NT5C3A: variants seen among roughly 807,000 people sequenced by gnomAD.
NT5C3A encodes the protein cytosolic 5'-nucleotidase 3A.
NT5C3A carries 23 observed loss-of-function variants against 40.0 expected under a neutral mutation model. That is an observed-to-expected ratio of 0.58 (90% confidence interval 0.41 to 0.81). The LOEUF is 0.81. Ranked by LOEUF, NT5C3A falls within the 40% of genes least tolerant of loss-of-function variation. The pLI is 0.00. For missense variants in NT5C3A, 328 were observed against 403.0 expected (o/e 0.81, Z 1.59); for synonymous variants, 130 against 141.4 (o/e 0.92, Z 0.57).
chr7:33,055,289 C>T (rs950739773), intron 1 of NT5C3A, among the ~76,000 whole-genome samples: 6 of 151,344 alleles, frequency 4.0e-5, no homozygotes, highest in East Asian at 1.9e-4. Context: ...CATGCTACTG[C>T]GCTCCAGCAC....
chr7:33,057,714 T>A (rs1787625004), intron 1 of NT5C3A, among the ~76,000 whole-genome samples: 2 of 152,100 alleles, frequency 1.3e-5, no homozygotes, highest in Non-Finnish European at 1.5e-5. Flanking sequence ...TCGTTCCATC[T>A]CCCCTATCCC....
intron 1 of NT5C3A, chr7:33,029,732 G>C (rs1786142729): frequency 7.9e-7 from 1 of 1,269,388 alleles, no homozygotes; most frequent in Admixed American, 2.3e-5. Flanking sequence ...ATGTAAGATT[G>C]GTTTATTTTA....
At chr7:33,032,118 C>G (rs1786299900) in intron 1 of NT5C3A, among the ~76,000 whole-genome samples, 1 of 150,384 alleles carries the variant, frequency 6.6e-6, no homozygotes, top group Non-Finnish European at 1.5e-5. Flanking sequence ...GAGCGAGACT[C>G]TGTCTCAAAA....
intron 1 of NT5C3A, among the ~76,000 whole-genome samples, chr7:33,043,409 G>A (rs1042380209): frequency 7.9e-5 from 12 of 152,144 alleles, no homozygotes; most frequent in African/African-American, 1.4e-4. Context: ...TTTAAATAGC[G>A]TGTTAAAAAC....
At chr7:33,061,291 C>T (rs1787766826) in intron 1 of NT5C3A, among the ~76,000 whole-genome samples, 1 of 152,066 alleles carries the variant, frequency 6.6e-6, no homozygotes, top group South Asian at 2.1e-4. Flanking sequence ...AGATGTGGGA[C>T]AAATGAATTT....
At chr7:33,031,309 C>T (rs561791501) in intron 1 of NT5C3A, among the ~76,000 whole-genome samples, 5 of 152,020 alleles carry the variant, frequency 3.3e-5, no homozygotes, top group Admixed American at 6.6e-5. Context: ...AAAACACGGC[C>T]GGGCATGGTG....
chr7:33,056,175 C>T (rs1047134848), intron 1 of NT5C3A, among the ~76,000 whole-genome samples: 19 of 151,774 alleles, frequency 1.3e-4, no homozygotes, highest in African/African-American at 4.6e-4. Flanking sequence ...TAATAATAAA[C>T]AATATGAGAC....
chr7:33,035,885 G>T lies in NT5C3A; in HGVS notation c.139-8970C>A, dbSNP rs746171755. On this transcript the variant is annotated intron_variant, in intron 1 of 8. Coordinates refer to ENST00000610140, the MANE Select transcript of NT5C3A (RefSeq NM_001002010.5). ...CTGGTTAGAGACAGAGGTAAAAGTG[G>T]TGAAGATTTACCATTAATAAATGGA... is the stretch of plus-strand genomic sequence containing the variant. The T allele has an allele frequency of 3.9e-5, 56 of 1,432,836 alleles. No homozygotes were observed. The East Asian group carries it at 1.3e-3, about 33-fold the overall frequency. The allele number at this position is 1,432,836 out of a possible 1,614,324, so 88.8% of individuals were successfully genotyped here.
chr7:33,018,006 C>T (rs773118497), intron 6 of NT5C3A, among the ~76,000 whole-genome samples: 35 of 151,956 alleles, frequency 2.3e-4, no homozygotes, highest in Non-Finnish European at 4.4e-4. Context: ...ATAGCGAGAC[C>T]CTGTCTCTAA....
intron 1 of NT5C3A, among the ~76,000 whole-genome samples, chr7:33,054,169 C>T (rs1383531608): frequency 6.6e-6 from 1 of 151,992 alleles, no homozygotes; most frequent in African/African-American, 2.4e-5. Context: ...AGGTGGGCAA[C>T]ATGGCAAAAC....
chr7:33,060,887 T>C (rs959115004), intron 1 of NT5C3A, among the ~76,000 whole-genome samples: 6 of 152,218 alleles, frequency 3.9e-5, no homozygotes, highest in Non-Finnish European at 8.8e-5. Flanking sequence ...TTTCACTTTT[T>C]CCATTGAAAA....
At chr7:33,041,231 G>T in intron 1 of NT5C3A, 1 of 650,206 alleles carries the variant, frequency 1.5e-6, no homozygotes, top group Non-Finnish European at 1.9e-6. Flanking sequence ...GTTTGTCAGT[G>T]TACTTCTGAT....
At chr7:33,029,694 A>G (rs1428998746) in intron 1 of NT5C3A, 1 of 1,289,634 alleles carries the variant, frequency 7.8e-7, no homozygotes, top group Non-Finnish European at 1.0e-6. Flanking sequence ...ACCACTTCGA[A>G]GAAGGCTGGT....
chr7:33,057,192 T>A (rs1787605745), intron 1 of NT5C3A, among the ~76,000 whole-genome samples: 1 of 151,920 alleles, frequency 6.6e-6, no homozygotes. Context: ...TATATTGTCT[T>A]AAAGTGGAAG....
intron 1 of NT5C3A, among the ~76,000 whole-genome samples, chr7:33,046,531 C>CA (rs35152276): frequency 1.7e-4 from 25 of 147,590 alleles, no homozygotes; most frequent in Middle Eastern, 3.6e-3. Flanking sequence ...GAGGTTGTCT[C>CA]AAAAAAAAAA....
Position 33,018,589 on chromosome 7 carries a change from G to A in NT5C3A, c.531-988C>T, listed in dbSNP as rs530836082. On this transcript the variant is annotated intron_variant, in intron 6 of 8. Coordinates refer to ENST00000610140, the MANE Select transcript of NT5C3A (RefSeq NM_001002010.5). ...TCTTGGGCCGGGCGCAGTGGCTCAC[G>A]CCTGTAACCCCAGCACTTTGGGAGG... 5.9e-5 allele frequency among the ~76,000 whole-genome samples: 9 copies of A among 152,286 alleles called. No individual in the cohort carries two copies. In the South Asian group the frequency reaches 8.3e-4, roughly 14 times the overall value.
At position 33,046,991 on chromosome 7, in the gene NT5C3A, G is replaced by A. The variant is rs1255534280; in HGVS notation, c.138+15577C>T. ...GCTTCTTTTTTTTTTTTTTTTAAGAGTCGGGTCTTGCTATGGGGTGTAGTA... is the reference window on the plus strand; with the variant it reads ...GCTTCTTTTTTTTTTTTTTTTAAGAATCGGGTCTTGCTATGGGGTGTAGTA... On this transcript the variant is annotated intron_variant, in intron 1 of 8. Coordinates refer to ENST00000610140, the MANE Select transcript of NT5C3A (RefSeq NM_001002010.5). Among the ~76,000 whole-genome samples, 9 of 62,774 alleles carry A rather than the reference G, an allele frequency of 1.4e-4. No homozygotes were observed. The Admixed American group carries it at 1.6e-3, about 11-fold the overall frequency. 41.2% of individuals were successfully genotyped at this position (62,774 alleles called of 152,430 possible). A position where few individuals can be genotyped will look rare whatever the true frequency, so the allele number is the denominator to read the frequency against.
chr7:33,027,146 C>T (rs1785988259), intron 1 of NT5C3A: 9 of 391,598 alleles, frequency 2.3e-5, no homozygotes, highest in Non-Finnish European at 4.2e-5. Flanking sequence ...CCTAGCTCAC[C>T]GTAGCCTCAA....
chr7:33,035,347 C>G (rs1786537996), intron 1 of NT5C3A, among the ~76,000 whole-genome samples: 1 of 151,946 alleles, frequency 6.6e-6, no homozygotes, highest in Non-Finnish European at 1.5e-5. Context: ...GAGCTTGTTA[C>G]CATGCCCGGC....
Sources: gnomAD v4.1 joint callset for allele counts (sites outside exome capture counted in the v4.1 genomes callset) on GRCh38, gnomAD v4.1.1 for gene constraint, MANE v1.5 for transcripts, NCBI Gene and HGNC (gene_info 2026-07-23, HGNC 2026-07-21) for gene names.